The following NALF1 variants were observed in gnomAD, a reference collection of about 807,000 sequenced individuals.
NALF1 encodes NALCN channel auxiliary factor 1, also known as family with sequence similarity 155 member A.
A neutral mutation model predicts 48.4 loss-of-function variants in NALF1; 3 were observed. That is an observed-to-expected ratio of 0.06 (90% confidence interval 0.03 to 0.16). The LOEUF (loss-of-function observed/expected upper bound fraction) is 0.16. Among genes scored for constraint, NALF1 ranks in the 10% least tolerant of loss-of-function variants. NALF1 has a pLI of 1.00. For synonymous variants in NALF1, 262 were observed against 245.7 expected (o/e 1.07, Z -0.62); for missense variants, 526 against 571.5 (o/e 0.92, Z 0.81).
chr13:107,470,217 T>C (rs554890395), intron 1 of NALF1, among the ~76,000 whole-genome samples: 3 of 152,338 alleles, frequency 2.0e-5, no homozygotes, highest in East Asian at 1.9e-4. Context: ...ATATGGTTGT[T>C]CTTAAACTAT....
At chr13:107,282,081 C>T (rs1881399379) in intron 1 of NALF1, among the ~76,000 whole-genome samples, 1 of 152,110 alleles carries the variant, frequency 6.6e-6, no homozygotes. Context: ...GCTGGTGTGC[C>T]TGCATGAGCA....
intron 1 of NALF1, among the ~76,000 whole-genome samples, chr13:107,485,938 C>T (rs541247448): frequency 1.0e-3 from 159 of 152,302 alleles, no homozygotes; most frequent in African/African-American, 3.6e-3. Context: ...TAATTACACT[C>T]TTGAGAAAAC....
intron 1 of NALF1, among the ~76,000 whole-genome samples, chr13:107,249,393 C>CA (rs1880648963): frequency 6.6e-6 from 1 of 152,064 alleles, no homozygotes; most frequent in Non-Finnish European, 1.5e-5. Flanking sequence ...ACTTACATCT[C>CA]AAATGGTCTC....
intron 2 of NALF1, among the ~76,000 whole-genome samples, chr13:107,198,711 T>C (rs1052039017): frequency 1.3e-5 from 2 of 152,178 alleles, no homozygotes; most frequent in Non-Finnish European, 2.9e-5. Flanking sequence ...CAATTCAGCT[T>C]CTCTCATTTC....
At chr13:107,463,490 A>C (rs1007866981) in intron 1 of NALF1, among the ~76,000 whole-genome samples, 4 of 152,230 alleles carry the variant, frequency 2.6e-5, no homozygotes, top group Non-Finnish European at 5.9e-5. Flanking sequence ...GAAATTTACT[A>C]TGTAGGAGAT....
At position 107,593,818 on chromosome 13, in the gene NALF1, G is replaced by GAAAA. The variant is rs56053087; in HGVS notation, c.915+271860_915+271863dup. 0.02 allele frequency among the ~76,000 whole-genome samples: 2,909 copies of GAAAA among 146,238 alleles called. 189 individuals carry two copies. In the East Asian group the frequency reaches 0.25, roughly 13 times the overall value. ...ACTGCTTCTGGAATGTTTTCAACAG[G>GAAAA]AAAAAAAAAAAAACAGAAACGGAAA... On this transcript the variant is annotated intron_variant, in intron 1 of 2. Coordinates refer to ENST00000375915, the MANE Select transcript of NALF1 (RefSeq NM_001080396.3).
rs1003003527 is a variant in NALF1 at position 107,679,615 on chromosome 13, C to T, written c.915+186067G>A. Among the ~76,000 whole-genome samples the T allele has an allele frequency of 3.3e-5, 5 of 152,328 alleles. No individual in the cohort carries two copies. In the South Asian group the frequency reaches 8.3e-4, roughly 25 times the overall value. Reference sequence around the variant, plus strand: ...ACCTTCCTCAGGACCTCCTCAGCGCCCCCCACGGGGTCAGGGAGGTGTCAT... The same window carrying T: ...ACCTTCCTCAGGACCTCCTCAGCGCTCCCCACGGGGTCAGGGAGGTGTCAT... On this transcript the variant is annotated intron_variant, in intron 1 of 2. Coordinates refer to ENST00000375915, the MANE Select transcript of NALF1 (RefSeq NM_001080396.3).
chr13:107,641,456 A>G (rs2138458766), intron 1 of NALF1, among the ~76,000 whole-genome samples: 1 of 152,300 alleles, frequency 6.6e-6, no homozygotes, highest in Admixed American at 6.5e-5. Context: ...GGATAAGTCC[A>G]CTATCATTAT....
intron 1 of NALF1, among the ~76,000 whole-genome samples, chr13:107,378,964 T>G (rs1386620311): frequency 6.6e-6 from 1 of 152,184 alleles, no homozygotes; most frequent in African/African-American, 2.4e-5. Context: ...AAACATATAA[T>G]TAAGATCTCA....
intron 1 of NALF1, among the ~76,000 whole-genome samples, chr13:107,590,954 G>A (rs1878586760): frequency 2.0e-5 from 3 of 151,916 alleles, no homozygotes; most frequent in East Asian, 1.9e-4. Context: ...TCATAGGATA[G>A]GTAGGATTGT....
intron 1 of NALF1, among the ~76,000 whole-genome samples, chr13:107,692,940 A>C (rs560999432): frequency 9.9e-5 from 15 of 152,260 alleles, no homozygotes; most frequent in African/African-American, 2.6e-4. Flanking sequence ...GCTATTGTGA[A>C]TAGTGCTGCA....
At chr13:107,741,511 T>A (rs1327717322) in intron 1 of NALF1, among the ~76,000 whole-genome samples, 1 of 62,574 alleles carries the variant, frequency 1.6e-5, no homozygotes, top group Non-Finnish European at 3.2e-5. Flanking sequence ...AAAGCTTGAA[T>A]GATGACAGGT....
At chr13:107,254,900 T>C (rs578044208) in intron 1 of NALF1, among the ~76,000 whole-genome samples, 2 of 152,316 alleles carry the variant, frequency 1.3e-5, no homozygotes, top group South Asian at 4.2e-4. Flanking sequence ...AAACACACAG[T>C]AGTGGTAAGT....
chr13:107,430,870 G>A (rs112368013), intron 1 of NALF1, among the ~76,000 whole-genome samples: 10,852 of 152,106 alleles, frequency 0.071, 1,249 homozygotes, highest in African/African-American at 0.25. Flanking sequence ...CTGAGGAATC[G>A]CCACACTGAC....
intron 1 of NALF1, among the ~76,000 whole-genome samples, chr13:107,653,254 A>G (rs1232480021): frequency 6.7e-6 from 1 of 149,968 alleles, no homozygotes; most frequent in African/African-American, 2.4e-5. Context: ...TGTTAGTCCA[A>G]TAACAAACGA....
intron 1 of NALF1, among the ~76,000 whole-genome samples, chr13:107,491,577 T>C (rs1875114674): frequency 6.6e-6 from 1 of 152,100 alleles, no homozygotes; most frequent in African/African-American, 2.4e-5. Context: ...AGATTAATGA[T>C]ACAACTACGG....
chr13:107,790,013 T>C (rs770731832), intron 1 of NALF1, among the ~76,000 whole-genome samples: 3 of 152,230 alleles, frequency 2.0e-5, no homozygotes, highest in Non-Finnish European at 2.9e-5. Context: ...TGTTCAATAG[T>C]GCAGGTTTAC....
intron 1 of NALF1, among the ~76,000 whole-genome samples, chr13:107,733,267 TGACAGCAG>T (rs1876366790): frequency 1.3e-5 from 2 of 152,186 alleles, no homozygotes; most frequent in Non-Finnish European, 2.9e-5. Flanking sequence ...GCTCCAGCAG[TGACAGCAG>T]CACATTGCAA....
chr13:107,776,470 G>T (rs1877732666), intron 1 of NALF1, among the ~76,000 whole-genome samples: 1 of 152,180 alleles, frequency 6.6e-6, no homozygotes, highest in Non-Finnish European at 1.5e-5. Flanking sequence ...ACAGGTCACA[G>T]ATTTATACCA....
Sources: gnomAD v4.1 joint callset for allele counts (sites outside exome capture counted in the v4.1 genomes callset) on GRCh38, gnomAD v4.1.1 for gene constraint, MANE v1.5 for transcripts, NCBI Gene and HGNC (gene_info 2026-07-23, HGNC 2026-07-21) for gene names.